The following SUMF2 variants were observed in gnomAD, a reference collection of about 807,000 sequenced individuals.
SUMF2 encodes the protein sulfatase modifying factor 2.
In SUMF2, 45 loss-of-function variants were observed where a neutral mutation model predicts 44.8. The ratio of observed to expected loss-of-function variants is 1.00; its 90% CI spans 0.79 to 1.29. The LOEUF (loss-of-function observed/expected upper bound fraction) is 1.29. Among genes scored for constraint, SUMF2 ranks in the 50% most tolerant of loss-of-function variants. The pLI, the probability that SUMF2 is intolerant of heterozygous loss-of-function variation, is 0.00. For synonymous variants in SUMF2, 148 were observed against 150.4 expected (o/e 0.98, Z 0.12); for missense variants, 418 against 389.9 (o/e 1.07, Z -0.61).
intron 1 of SUMF2, 64 bp downstream of exon 1, chr7:56,064,442 G>A: frequency 6.5e-7 from 1 of 1,547,208 alleles, no homozygotes; most frequent in Non-Finnish European, 8.7e-7. Flanking sequence ...CGCCCTGACG[G>A]GAGAGAGCCT....
intron 1 of SUMF2, among the ~76,000 whole-genome samples, chr7:56,067,269 A>G (rs1794867521): frequency 6.6e-6 from 1 of 152,208 alleles, no homozygotes; most frequent in Non-Finnish European, 1.5e-5. Context: ...CAAATCTACC[A>G]TGTGTTCAAC....
At chr7:56,083,739 C>T (rs1247705107), downstream of SUMF2, 2 of 1,525,068 alleles carry the variant, frequency 1.3e-6, no homozygotes, top group Non-Finnish European at 1.8e-6. Context: ...GGGTTGATAG[C>T]TGGATCGGTC....
At chr7:56,079,437 G>A in intron 8 of SUMF2, 91 bp from the exon 9 acceptor site, 1 of 1,309,332 alleles carries the variant, frequency 7.6e-7, no homozygotes, top group Non-Finnish European at 1.1e-6. Flanking sequence ...CCTGATCATG[G>A]CCGGCCCTGC....
chr7:56,083,538 A>G (rs1796118761), downstream of SUMF2: 1 of 1,524,718 alleles, frequency 6.6e-7, no homozygotes, highest in Non-Finnish European at 9.1e-7. Flanking sequence ...GCAAGGGAGC[A>G]GCACACACGC....
chr7:56,065,119 G>C lies in SUMF2; in HGVS notation c.67+741G>C, dbSNP rs577880121. ...AGGCAGGAGAATGGCGTGAACCCCG[G>C]GGGGTGGAGCCTGCAGTGAGCGGAG... On this transcript the variant is annotated intron_variant, in intron 1 of 8. Coordinates refer to ENST00000434526, the MANE Select transcript of SUMF2 (RefSeq NM_015411.4). Among the ~76,000 whole-genome samples, 8 of 150,482 alleles carry C rather than the reference G, an allele frequency of 5.3e-5. No homozygotes were observed. In the East Asian group the frequency reaches 1.2e-3, roughly 22 times the overall value.
At chr7:56,083,687 GGTA>G (rs1796129805), downstream of SUMF2, 2 of 1,584,714 alleles carry the variant, frequency 1.3e-6, no homozygotes, top group Non-Finnish European at 1.7e-6. Context: ...TTCTCAGTGA[GGTA>G]GTCAAAGAGC....
chr7:56,081,228 C>T (rs1381925012), downstream of SUMF2: 1 of 1,613,702 alleles, frequency 6.2e-7, no homozygotes, highest in East Asian at 2.2e-5. The surrounding 1 kb of genome is among the most constrained non-coding windows in gnomAD (Gnocchi z 4.6). Context: ...TGACGATCTC[C>T]CGGGTCACAG....
chr7:56,085,658 G>T (rs914471735), downstream of SUMF2, among the ~76,000 whole-genome samples: 2 of 152,118 alleles, frequency 1.3e-5, no homozygotes, highest in Admixed American at 1.3e-4. Flanking sequence ...TAGATAGTCA[G>T]TGAGATCTTT....
intron 1 of SUMF2, 99 bp downstream of exon 1, chr7:56,064,477 A>C: frequency 6.9e-7 from 1 of 1,456,010 alleles, no homozygotes; most frequent in Non-Finnish European, 9.0e-7. Flanking sequence ...GGCTTCCGGG[A>C]TGCGGCTGCA....
chr7:56,082,840 G>C (rs1796075050), downstream of SUMF2, among the ~76,000 whole-genome samples: 1 of 152,116 alleles, frequency 6.6e-6, no homozygotes, highest in African/African-American at 2.4e-5. Flanking sequence ...GGGCATGGTG[G>C]CTCACGCCTG....
At chr7:56,085,670 CA>C in the SUMF2 span, among the ~76,000 whole-genome samples, 1 of 152,050 alleles carries the variant, frequency 6.6e-6, no homozygotes, top group Non-Finnish European at 1.5e-5. Context: ...GAGATCTTTT[CA>C]AAAGGAAGTC....
intron 1 of SUMF2, among the ~76,000 whole-genome samples, chr7:56,067,894 GAAAA>G (rs71015177): frequency 5.5e-5 from 4 of 72,800 alleles, no homozygotes; most frequent in African/African-American, 5.8e-5. Context: ...ATCCTGTCAC[GAAAA>G]AAAAAAAAAA....
chr7:56,081,622 C>T (rs775905179), downstream of SUMF2: 1 of 1,613,402 alleles, frequency 6.2e-7, no homozygotes, highest in Non-Finnish European at 8.5e-7. The surrounding 1 kb of genome is among the most constrained non-coding windows in gnomAD (Gnocchi z 4.6). Flanking sequence ...GATCAGGACG[C>T]TTAGTACCTT....
intron 2 of SUMF2, among the ~76,000 whole-genome samples, chr7:56,071,866 C>T (rs1795180810): frequency 2.6e-5 from 4 of 151,890 alleles, no homozygotes; most frequent in African/African-American, 9.7e-5. Context: ...AATCCCAGCA[C>T]TTTGGGAGGC....
At chr7:56,072,086 CAACAGTCTTTTTGA>C (rs1795197869) in intron 2 of SUMF2, among the ~76,000 whole-genome samples, 1 of 123,974 alleles carries the variant, frequency 8.1e-6, no homozygotes. Context: ...CCAGCCTGGG[CAACAGTCTTTTTGA>C]GACAGAGCAA....
At chr7:56,083,766 C>T, downstream of SUMF2, 3 of 1,258,514 alleles carry the variant, frequency 2.4e-6, no homozygotes, top group African/African-American at 1.5e-5. Context: ...CCACCACTGC[C>T]CTTACCCTGC....
At chr7:56,078,838 C>T (rs947209507) in intron 8 of SUMF2, 2 of 447,138 alleles carry the variant, frequency 4.5e-6, no homozygotes, top group Admixed American at 3.8e-5. Context: ...ATGACCACAC[C>T]AGTAGGTCAT....
chr7:56,081,878 G>A (rs1394203073), downstream of SUMF2: 1 of 1,612,808 alleles, frequency 6.2e-7, no homozygotes, highest in African/African-American at 1.3e-5. The surrounding 1 kb of genome is among the most constrained non-coding windows in gnomAD (Gnocchi z 4.6). Flanking sequence ...GGAGCCAGTT[G>A]GCCTGGCCTC....
chr7:56,081,132 C>T, downstream of SUMF2: 9 of 1,613,832 alleles, frequency 5.6e-6, no homozygotes, highest in Non-Finnish European at 6.8e-6. The surrounding 1 kb of genome is among the most constrained non-coding windows in gnomAD (Gnocchi z 4.6). Context: ...TCTGCTGCTG[C>T]CCCTTCTTCA....
Sources: gnomAD v4.1 joint callset for allele counts (sites outside exome capture counted in the v4.1 genomes callset) on GRCh38, gnomAD v4.1.1 for gene constraint, Gnocchi (gnomAD v3.1) non-coding constraint, MANE v1.5 for transcripts, NCBI Gene and HGNC (gene_info 2026-07-23, HGNC 2026-07-21) for gene names.